TTBK1: variants seen among roughly 807,000 people sequenced by gnomAD.
TTBK1 encodes tau tubulin kinase 1.
Under a neutral mutation model 108.5 loss-of-function variants are expected in TTBK1, and 34 were observed. The observed-to-expected ratio is 0.31, with a 90% CI of 0.24 to 0.42. TTBK1 has a LOEUF of 0.42. Among genes scored for constraint, TTBK1 ranks in the 10% least tolerant of loss-of-function variants. The probability of loss-of-function intolerance (pLI) is 1.00; values close to 1 mark genes in which losing one functional copy is unlikely to be tolerated. For synonymous variants in TTBK1, 809 were observed against 795.1 expected, an observed-to-expected ratio of 1.02 and a Z score of -0.29; for missense variants, 1,539 against 1,826.0, an observed-to-expected ratio of 0.84 and a Z score of 2.86.
At chr6:43,271,553 G>A (rs1777835370) in intron 13 of TTBK1, 1 of 985,084 alleles carries the variant, frequency 1.0e-6, no homozygotes, top group African/African-American at 1.8e-5. Flanking sequence ...ACCTCTGCTT[G>A]GCCCATCAAT....
chr6:43,276,017 C>T lies in TTBK1; in HGVS notation c.1987-6710C>T, dbSNP rs936933151. On this transcript the variant is annotated intron_variant, in intron 13 of 14. Coordinates refer to ENST00000259750, the MANE Select transcript of TTBK1 (RefSeq NM_032538.3). The surrounding 1 kb of genome is among the most constrained non-coding windows in gnomAD (Gnocchi z 5.4). ...ACTCAGCACCGGGGCCCAGCTGAGC[C>T]CCTTCCTGCGTAAGGAGACGCCTTC... 2.0e-5 allele frequency among the ~76,000 whole-genome samples: 3 copies of T among 152,020 alleles called. No individual in the cohort carries two copies. The highest frequency in any genetic ancestry group is 7.2e-5 in the African/African-American group (3 of 41,382).
In TTBK1 at chr6:43,269,684, C is replaced by T; in HGVS notation, c.1986+6334C>T. On this transcript the variant is annotated intron_variant, in intron 13 of 14. Transcript: ENST00000259750. The surrounding 1 kb of genome is among the most constrained non-coding windows in gnomAD (Gnocchi z 4.8). ...TCTCGGGGCACTCCCTCCCGCGGTA[C>T]AGCCCCCTGCGACGACTGGCGTCCT... 1 of 1,611,320 alleles carries T rather than the reference C, an allele frequency of 6.2e-7. No individual in the cohort carries two copies. Among genetic ancestry groups the T allele is most frequent in the Non-Finnish European group, 8.5e-7 (1 of 1,179,612 alleles).
rs887542413 is a variant in TTBK1 at position 43,273,339 on chromosome 6, A to G, written c.1987-9388A>G. Among the ~76,000 whole-genome samples the G allele has an allele frequency of 7.2e-5, 11 of 151,816 alleles. No individual in the cohort carries two copies. Among genetic ancestry groups the G allele is most frequent in the Non-Finnish European group, 1.2e-4 (8 of 67,946 alleles). On this transcript the variant is annotated intron_variant, in intron 13 of 14. Transcript: ENST00000259750. The surrounding 1 kb of genome is among the most constrained non-coding windows in gnomAD (Gnocchi z 4.2). ...ATATTTTCCTTCCTTTCCCATTCCC[A>G]CCTTGCCATGGGGTGGCATCCAGAT...
Position 43,252,892 on chromosome 6 carries a change from G to A in TTBK1, c.256+6G>A, listed in dbSNP as rs760661987. On this transcript the variant is annotated splice_donor_region_variant and intron_variant, in intron 3 of 14. Coordinates refer to ENST00000259750, the MANE Select transcript of TTBK1 (RefSeq NM_032538.3). ...CGTGCTCAAGAAGTTGCAAGGTTCG[G>A]GCCTCGGGCAGGGGGATGGGAAGGA... 2.5e-6 allele frequency: 4 copies of A among 1,613,044 alleles called. No homozygotes were observed. Among genetic ancestry groups the A allele is most frequent in the Non-Finnish European group, 3.4e-6 (4 of 1,179,822 alleles).
In TTBK1 at chr6:43,283,837, A is replaced by G. The variant is rs781196723; in HGVS notation, c.3097A>G (p.Ser1033Gly). The G allele has an allele frequency of 6.2e-7, 1 of 1,610,288 alleles. No individual in the cohort carries two copies. Among genetic ancestry groups the G allele is most frequent in the Admixed American group, 1.7e-5 (1 of 59,714 alleles). The change falls in exon 14 of 15, where the codon AGC becomes GGC. Residue 1033 changes from serine to glycine, a missense_variant. By Grantham distance (56) the Ser-to-Gly change is moderately conservative. Around this residue, in one of 5 missense-constraint regions of TTBK1, gnomAD observed 1,055 missense variants for 1,086.5 expected, o/e 0.97. Transcript: ENST00000259750. The surrounding 1 kb of genome is among the most constrained non-coding windows in gnomAD (Gnocchi z 8.1). The stretch of plus-strand genomic sequence containing the variant: ...AGCCCCGGTGTCCCCGCTGGAGCCA[A>G]GCCCTGAGAAAGTGGCCACCATCTC... ...GPAPVSPLEP[S>G]PEKVATISPR... is the part of the protein sequence containing the mutation.
Position 43,282,686 on chromosome 6 carries a change from G to T in TTBK1, c.1987-41G>T, listed in dbSNP as rs777449719. 10 of 1,530,418 alleles carry T rather than the reference G, an allele frequency of 6.5e-6. No homozygotes were observed. Among genetic ancestry groups the T allele is most frequent in the Non-Finnish European group, 8.9e-6 (10 of 1,129,558 alleles). The allele number at this position is 1,530,418 out of a possible 1,614,324, so 94.8% of individuals were successfully genotyped here. ...GCTGAAGTCTTCCTGGGCCCAGGAG[G>T]GTGGGTGACCTCAGAGGGTCCCTGT... On this transcript the variant is annotated intron_variant, in intron 13 of 14. Transcript: ENST00000259750. This position sits in a 1 kb window ranked among gnomAD's most constrained non-coding sequence, Gnocchi z 5.4.
chr6:43,282,868 T>C lies in TTBK1; in HGVS notation c.2128T>C (p.Phe710Leu). ...RLLNRVRRVG[F>L]SHMLLTTPQV... The stretch of plus-strand genomic sequence containing the variant: ...GCTCAACAGGGTCCGGAGGGTGGGC[T>C]TCTCGCACATGCTGCTCACCACCCC... Residue 710 changes from phenylalanine (F) to leucine (L), a missense_variant, in exon 14 of 15, where the codon TTC (phenylalanine) becomes CTC (leucine). By Grantham distance (22) the Phe-to-Leu change is conservative (BLOSUM62 0). Around this residue, in one of 5 missense-constraint regions of TTBK1, gnomAD observed 1,055 missense variants for 1,086.5 expected, o/e 0.97. Coordinates refer to ENST00000259750, the MANE Select transcript of TTBK1 (RefSeq NM_032538.3). The surrounding 1 kb of genome is among the most constrained non-coding windows in gnomAD (Gnocchi z 5.4). The C allele has an allele frequency of 1.2e-6, 2 of 1,613,810 alleles. No homozygotes were observed. Among genetic ancestry groups the C allele is most frequent in the Non-Finnish European group, 1.7e-6 (2 of 1,179,946 alleles).
chr6:43,284,478 G>A (rs1005022451), intron 14 of TTBK1, among the ~76,000 whole-genome samples, 166 bp downstream of exon 14: 1 of 150,832 alleles, frequency 6.6e-6, no homozygotes, highest in African/African-American at 2.5e-5. Flanking sequence ...ACTCTGATTC[G>A]GGTTCCAGCC....
At chr6:43,281,868 TGAA>T (rs2150713484) in intron 13 of TTBK1, among the ~76,000 whole-genome samples, 1 of 151,556 alleles carries the variant, frequency 6.6e-6, no homozygotes, top group East Asian at 1.9e-4. Flanking sequence ...GGAGCTAGAG[TGAA>T]GGAGACACAG....
In TTBK1 at chr6:43,265,626, C is replaced by T. The variant is rs1233257684; in HGVS notation, c.1986+2276C>T. ...GCAAAATGTGTTTGGGGTCCTTGCT[C>T]CGCTCCCGTTTATTCATCCACACTC... On this transcript the variant is annotated intron_variant, in intron 13 of 14. Coordinates refer to ENST00000259750, the MANE Select transcript of TTBK1 (RefSeq NM_032538.3). The surrounding 1 kb of genome is among the most constrained non-coding windows in gnomAD (Gnocchi z 4.1). Among the ~76,000 whole-genome samples the T allele has an allele frequency of 6.6e-6, 1 of 152,196 alleles. No individual in the cohort carries two copies. Among genetic ancestry groups the T allele is most frequent in the South Asian group, 2.1e-4 (1 of 4,836 alleles).
In TTBK1 at chr6:43,257,660, T is replaced by A; in HGVS notation, c.862-152T>A. The A allele has an allele frequency of 1.5e-6, 1 of 664,320 alleles. No individual in the cohort carries two copies. The highest frequency in any genetic ancestry group is 2.8e-5 in the East Asian group (1 of 35,240). The allele number at this position is 664,320 out of a possible 1,614,324, so 41.2% of individuals were successfully genotyped here. ...ATCATGTGCATGTTTTCATTTAAAATCAATGTGCCGTTCTCCTTCCAATGC... is the reference window on the plus strand; with the variant it reads ...ATCATGTGCATGTTTTCATTTAAAAACAATGTGCCGTTCTCCTTCCAATGC... On this transcript the variant is annotated intron_variant, in intron 9 of 14. Transcript: ENST00000259750. The surrounding 1 kb of genome is among the most constrained non-coding windows in gnomAD (Gnocchi z 4.5).
At position 43,249,915 on chromosome 6, in the gene TTBK1, GA is replaced by G. The variant is rs1777191957; in HGVS notation, c.109-2823del. ...TAAAAGAAATTAAAACATTTTCATG[GA>G]CCCCCTAAAGGTATCGGGGCCTAGT... On this transcript the variant is annotated intron_variant, in intron 2 of 14. Coordinates refer to ENST00000259750, the MANE Select transcript of TTBK1 (RefSeq NM_032538.3). Among the ~76,000 whole-genome samples, 3 of 152,100 alleles carry G rather than the reference GA, an allele frequency of 2.0e-5. No homozygotes were observed. In the South Asian group the frequency reaches 6.2e-4, roughly 32 times the overall value.
rs534326196 is a variant in TTBK1, at chr6:43,253,460, G to A, written c.330+96G>A. 6.3e-7 allele frequency: 1 copy of A among 1,597,426 alleles called. No homozygotes were observed. Among genetic ancestry groups the A allele is most frequent in the East Asian group, 2.2e-5 (1 of 44,682 alleles). The stretch of plus-strand genomic sequence containing the variant: ...GAAGGTAGACTGTGGCCCTGGGAAA[G>A]GGCAGTGGGCACAACCCTTTGGGGT... On this transcript the variant is annotated intron_variant, in intron 4 of 14. Coordinates refer to ENST00000259750, the MANE Select transcript of TTBK1 (RefSeq NM_032538.3). This position sits in a 1 kb window ranked among gnomAD's most constrained non-coding sequence, Gnocchi z 5.8.
At chr6:43,247,584 G>C (rs1462287244) in intron 2 of TTBK1, among the ~76,000 whole-genome samples, 1 of 151,704 alleles carries the variant, frequency 6.6e-6, no homozygotes, top group African/African-American at 2.4e-5. Flanking sequence ...ACCGGAGTGG[G>C]GAGCCAGGGG....
chr6:43,245,234 G>A (rs1019765011), intron 1 of TTBK1, among the ~76,000 whole-genome samples: 1 of 152,014 alleles, frequency 6.6e-6, no homozygotes, highest in Admixed American at 6.6e-5. Context: ...CATCTCTTTA[G>A]CCACCTTCCT....
At chr6:43,275,255 C>T (rs1320902826) in intron 13 of TTBK1, among the ~76,000 whole-genome samples, 1 of 152,146 alleles carries the variant, frequency 6.6e-6, no homozygotes, top group South Asian at 2.1e-4. Context: ...CGGCCCGCCC[C>T]ACACAGCGCC....
At chr6:43,275,709 C>G (rs1038128047) in intron 13 of TTBK1, among the ~76,000 whole-genome samples, 5 of 151,784 alleles carry the variant, frequency 3.3e-5, no homozygotes, top group South Asian at 2.1e-4. Flanking sequence ...CCTTTTTGCC[C>G]ACGCCCCAAT....
At chr6:43,260,926 T>TAC (rs143462295) in intron 12 of TTBK1, among the ~76,000 whole-genome samples, 4 of 151,784 alleles carry the variant, frequency 2.6e-5, no homozygotes, top group South Asian at 4.2e-4. Context: ...GAGCTCCCAT[T>TAC]ACACACACAC....
In TTBK1 at chr6:43,283,930, G is replaced by A; in HGVS notation, c.3190G>A (p.Asp1064Asn). Residue 1064 changes from aspartate (D) to asparagine (N), a missense_variant, in exon 14 of 15, where the codon GAC (aspartate) becomes AAC (asparagine). By Grantham distance (23) the Asp-to-Asn change is conservative. Coordinates refer to ENST00000259750, the MANE Select transcript of TTBK1 (RefSeq NM_032538.3). This position sits in a 1 kb window ranked among gnomAD's most constrained non-coding sequence, Gnocchi z 8.1. ...TATCCCTGTCCTGCTCTCTGAGGAG[G>A]ACACGGGCTCGGAGCCCTCAGGCTC... ...SRIPVLLSEEDTGSEPSGSLS... is the reference protein window; with the variant it reads ...SRIPVLLSEENTGSEPSGSLS... 2 of 1,613,050 alleles carry A rather than the reference G, an allele frequency of 1.2e-6. No individual in the cohort carries two copies. The highest frequency in any genetic ancestry group is 1.7e-6 in the Non-Finnish European group (2 of 1,179,448).
Sources: gnomAD v4.1 joint callset for allele counts (sites outside exome capture counted in the v4.1 genomes callset) on GRCh38, gnomAD v4.1.1 for gene constraint, gnomAD v4.1.1 regional missense constraint, Gnocchi (gnomAD v3.1) non-coding constraint, MANE v1.5 for transcripts, NCBI Gene and HGNC (gene_info 2026-07-23, HGNC 2026-07-21) for gene names.